GPLD1: variants seen among roughly 807,000 people sequenced by gnomAD.
GPLD1 encodes phosphatidylinositol-glycan-specific phospholipase D.
GPLD1 carries 84 observed loss-of-function variants against 112.6 expected under a neutral mutation model. The observed-to-expected ratio is 0.75, with a 90% CI of 0.63 to 0.89. The LOEUF is 0.89. Ranked by LOEUF, GPLD1 falls within the 40% of genes least tolerant of loss-of-function variation. The probability of loss-of-function intolerance (pLI) is 0.00; values close to 1 mark genes in which losing one functional copy is unlikely to be tolerated. For synonymous variants in GPLD1, 386 were observed against 403.8 expected, an observed-to-expected ratio of 0.96 and a Z score of 0.53; for missense variants, 1,044 against 1,051.5, an observed-to-expected ratio of 0.99 and a Z score of 0.10.
chr6:24,462,580 G>A (rs1383829788), intron 11 of GPLD1, 150 bp downstream of exon 11: 4 of 629,360 alleles, frequency 6.4e-6, no homozygotes, highest in African/African-American at 5.5e-5. Context: ...AAATCAAGCA[G>A]CTTGTTTAAA....
At chr6:24,477,849 G>A (rs925991146) in intron 3 of GPLD1, among the ~76,000 whole-genome samples, 1 of 152,190 alleles carries the variant, frequency 6.6e-6, no homozygotes, top group Non-Finnish European at 1.5e-5. Flanking sequence ...ATAAGAAAAG[G>A]AAAACTACAG....
At chr6:24,474,289 ATC>A (rs371173382) in intron 5 of GPLD1, among the ~76,000 whole-genome samples, 55 of 152,274 alleles carry the variant, frequency 3.6e-4, no homozygotes, top group African/African-American at 1.2e-3. Flanking sequence ...ATATATAAAA[ATC>A]TCTGAGTTGA....
chr6:24,485,497 AT>A (rs1764340418), intron 2 of GPLD1, among the ~76,000 whole-genome samples: 1 of 152,202 alleles, frequency 6.6e-6, no homozygotes, highest in African/African-American at 2.4e-5. Context: ...ATTTTTTCAA[AT>A]TATGAGTCAT....
chr6:24,442,927 G>C (rs1359278842), intron 20 of GPLD1, among the ~76,000 whole-genome samples: 1 of 152,120 alleles, frequency 6.6e-6, no homozygotes, highest in Non-Finnish European at 1.5e-5. Context: ...ATTATCAAGA[G>C]AGTAAGGGCA....
intron 20 of GPLD1, among the ~76,000 whole-genome samples, chr6:24,438,984 G>A (rs1015800655): frequency 2.0e-5 from 3 of 152,076 alleles, no homozygotes; most frequent in African/African-American, 4.8e-5. Context: ...GGGTTTCACC[G>A]TGTTAGCCAG....
chr6:24,472,761 GT>G, intron 6 of GPLD1, 125 bp from the exon 7 acceptor site: 1 of 614,242 alleles, frequency 1.6e-6, no homozygotes. Flanking sequence ...TTTGTTCATT[GT>G]TTTAGGTAAA....
chr6:24,442,668 T>C (rs1329509327), intron 20 of GPLD1, among the ~76,000 whole-genome samples: 2 of 151,778 alleles, frequency 1.3e-5, no homozygotes, highest in Non-Finnish European at 2.9e-5. Flanking sequence ...ATGGTCTCGA[T>C]CACCTGACCT....
intron 20 of GPLD1, among the ~76,000 whole-genome samples, chr6:24,439,704 G>A (rs1441630778): frequency 1.3e-5 from 2 of 152,096 alleles, no homozygotes; most frequent in Non-Finnish European, 2.9e-5. Flanking sequence ...AATGTTGTAG[G>A]CATTTCTATA....
At chr6:24,463,108 C>T in intron 10 of GPLD1, among the ~76,000 whole-genome samples, 1 of 152,200 alleles carries the variant, frequency 6.6e-6, no homozygotes, top group Non-Finnish European at 1.5e-5. Flanking sequence ...GTGTTATCAA[C>T]ACTGGTTACC....
intron 7 of GPLD1, among the ~76,000 whole-genome samples, chr6:24,468,069 G>A (rs1763677183): frequency 6.6e-6 from 1 of 152,072 alleles, no homozygotes; most frequent in African/African-American, 2.4e-5. Context: ...ACCACGCCCG[G>A]CTAATTTTAT....
intron 11 of GPLD1, 42 bp downstream of exon 11, chr6:24,462,688 T>G: frequency 8.6e-5 from 110 of 1,274,182 alleles, no homozygotes; most frequent in Non-Finnish European, 1.1e-4. Context: ...CTCCTCCAGG[T>G]GAGATGTACT....
intron 14 of GPLD1, among the ~76,000 whole-genome samples, chr6:24,452,967 C>G (rs9393557): frequency 0.35 from 53,588 of 151,784 alleles, 9,738 homozygotes; most frequent in East Asian, 0.46. Flanking sequence ...AAAAGCCCCA[C>G]ACTCATTGGT....
In GPLD1 at chr6:24,437,183, G is replaced by C; in HGVS notation, c.2127C>G (p.Phe709Leu). Residue 709 changes from phenylalanine (F) to leucine (L), a missense_variant, in exon 21 of 25, where the codon TTC becomes TTG. Phe to Leu is a conservative substitution (Grantham distance 22). Coordinates refer to ENST00000230036, the MANE Select transcript of GPLD1 (RefSeq NM_001503.4). ...ATCGGGAGAAGCGGCGGTCTCCGCT[G>C]AAGGTGCTGAGCAGCAGAGGCTGCG... ...SDAQPLLLST[F>L]SGDRRFSRFG... The C allele has an allele frequency of 6.2e-7, 1 of 1,614,166 alleles. No homozygotes were observed.
chr6:24,430,242 G>T (rs986347773), intron 24 of GPLD1, among the ~76,000 whole-genome samples: 1 of 152,090 alleles, frequency 6.6e-6, no homozygotes, highest in Non-Finnish European at 1.5e-5. Context: ...CCTGGCCTTC[G>T]GCTTCACTCT....
intron 5 of GPLD1, among the ~76,000 whole-genome samples, chr6:24,474,206 C>CATAT (rs59954943): frequency 0.037 from 4,444 of 120,712 alleles, 223 homozygotes; most frequent in African/African-American, 0.1. Context: ...CACACACACA[C>CATAT]ATATATATGC....
intron 3 of GPLD1, among the ~76,000 whole-genome samples, chr6:24,478,339 A>AT (rs1328058404): frequency 6.6e-6 from 1 of 152,234 alleles, no homozygotes; most frequent in Non-Finnish European, 1.5e-5. Flanking sequence ...AATATGAGAA[A>AT]TACAAAAGCT....
chr6:24,484,551 T>C (rs757549064), intron 2 of GPLD1, among the ~76,000 whole-genome samples: 3 of 152,202 alleles, frequency 2.0e-5, no homozygotes, highest in Admixed American at 6.5e-5. Context: ...TGGATTAGAA[T>C]GCATCCTGAA....
chr6:24,441,486 G>A (rs901446958), intron 20 of GPLD1, among the ~76,000 whole-genome samples: 4 of 152,102 alleles, frequency 2.6e-5, no homozygotes, highest in Admixed American at 6.6e-5. Flanking sequence ...GGTGGAGGCC[G>A]GTCACAGTTA....
chr6:24,433,255 T>C lies in GPLD1; in HGVS notation c.2386-18A>G, dbSNP rs9461006. On this transcript the variant is annotated intron_variant, in intron 23 of 24. Transcript: ENST00000230036. Reference sequence around the variant, plus strand: ...GAGCTGGCCTGTAAAACATGCCGTCTGTTAATGGGCTTTGAAGAACATAGT... The same window carrying C: ...GAGCTGGCCTGTAAAACATGCCGTCCGTTAATGGGCTTTGAAGAACATAGT... 0.16 allele frequency: 264,564 copies of C among 1,607,362 alleles called. 22,835 individuals are homozygous for C. Among genetic ancestry groups the C allele is most frequent in the African/African-American group, 0.2 (15,272 of 74,832 alleles).
Sources: allele counts gnomAD v4.1 joint callset (sites outside exome capture counted in the v4.1 genomes callset), GRCh38; gene constraint gnomAD v4.1.1; transcripts MANE v1.5; gene names NCBI Gene and HGNC (gene_info 2026-07-23, HGNC 2026-07-21).